XIRP2: variants seen among roughly 807,000 people sequenced by gnomAD.
XIRP2 encodes xin actin binding repeat containing 2, also known as xin actin-binding repeat-containing protein 2.
In XIRP2, 236 loss-of-function variants were observed where a neutral mutation model predicts 277.0. That is an observed-to-expected ratio of 0.85 (90% CI 0.77 to 0.95). The LOEUF (loss-of-function observed/expected upper bound fraction) is 0.95, where lower values mean the gene tolerates loss of function less well. Ranked by LOEUF, XIRP2 falls within the 40% of genes least tolerant of loss-of-function variation. The probability of loss-of-function intolerance (pLI) is 0.00; values close to 1 mark genes in which losing one functional copy is unlikely to be tolerated. For synonymous variants in XIRP2, 1,490 were observed against 1,416.5 expected, an observed-to-expected ratio of 1.05 and a Z score of -1.17; for missense variants, 4,640 against 4,157.5, an observed-to-expected ratio of 1.12 and a Z score of -3.19.
chr2:167,098,675 G>A (rs1209437639), intron 2 of XIRP2, among the ~76,000 whole-genome samples: 2 of 152,160 alleles, frequency 1.3e-5, no homozygotes, highest in Non-Finnish European at 2.9e-5. Flanking sequence ...TCATCTTCAT[G>A]GATTTATGTA....
At chr2:167,213,538 A>T (rs988751108) in intron 4 of XIRP2, among the ~76,000 whole-genome samples, 2 of 152,234 alleles carry the variant, frequency 1.3e-5, no homozygotes, top group Non-Finnish European at 2.9e-5. Flanking sequence ...CACCCATTAG[A>T]TTCCAAACCT....
chr2:167,108,962 T>A (rs1375785108), intron 2 of XIRP2, among the ~76,000 whole-genome samples: 2 of 152,004 alleles, frequency 1.3e-5, no homozygotes, highest in Non-Finnish European at 2.9e-5. Flanking sequence ...GATAACTTTA[T>A]TACATGGGTA....
chr2:167,201,208 AAGAAAGAAAGAAAGAAAG>A lies in XIRP2; in HGVS notation c.563-9525_563-9508del, dbSNP rs1693685179. Among the ~76,000 whole-genome samples, 5 of 78,896 alleles carry A rather than the reference AAGAAAGAAAGAAAGAAAG, an allele frequency of 6.3e-5. No homozygotes were observed. The South Asian group carries it at 2.4e-3, about 39-fold the overall frequency. 51.8% of individuals were successfully genotyped at this position (78,896 alleles called of 152,430 possible). A position where few individuals can be genotyped will look rare whatever the true frequency, so the allele number is the denominator to read the frequency against. ...AGAGAGAGAAAGAAAGAAAGAAAGA[AAGAAAGAAAGAAAGAAAG>A]AAAGAAAGAAAGAAAGAAAGAAAGA... On this transcript the variant is annotated intron_variant, in intron 3 of 10. Coordinates refer to ENST00000409195, the MANE Select transcript of XIRP2 (RefSeq NM_152381.6).
At chr2:166,938,843 G>A (rs1478241734) in intron 2 of XIRP2, among the ~76,000 whole-genome samples, 2 of 152,162 alleles carry the variant, frequency 1.3e-5, no homozygotes, top group Non-Finnish European at 2.9e-5. Flanking sequence ...TTACCATTAT[G>A]TAATGGCCTC....
chr2:167,240,647 A>G lies in XIRP2; in HGVS notation c.970-17A>G. On this transcript the variant is annotated splice_polypyrimidine_tract_variant and intron_variant, in intron 6 of 10. Coordinates refer to ENST00000409195, the MANE Select transcript of XIRP2 (RefSeq NM_152381.6). The stretch of plus-strand genomic sequence containing the variant: ...CTTCTTAAAAACAATTTATTTTCAA[A>G]TTCTCTTTAAATACAGGTCTCTCAT... 1 of 1,609,800 alleles carries G rather than the reference A, an allele frequency of 6.2e-7. No individual in the cohort carries two copies. Among genetic ancestry groups the G allele is most frequent in the Non-Finnish European group, 8.5e-7 (1 of 1,176,460 alleles).
intron 2 of XIRP2, among the ~76,000 whole-genome samples, chr2:166,959,486 T>A (rs1686247719): frequency 6.6e-6 from 1 of 151,754 alleles, no homozygotes; most frequent in Non-Finnish European, 1.5e-5. Context: ...ATGTTAGAAA[T>A]GCAGGGGGAA....
At chr2:166,905,132 T>C (rs1323457686) in intron 2 of XIRP2, among the ~76,000 whole-genome samples, 2 of 152,048 alleles carry the variant, frequency 1.3e-5, no homozygotes, top group Non-Finnish European at 2.9e-5. Context: ...GCAATCATTT[T>C]TGTTTATACT....
In XIRP2 at chr2:166,967,556, G is replaced by T. The variant is rs529193704; in HGVS notation, c.408+63666G>T. On this transcript the variant is annotated intron_variant, in intron 2 of 10. Coordinates refer to ENST00000409195, the MANE Select transcript of XIRP2 (RefSeq NM_152381.6). The stretch of plus-strand genomic sequence containing the variant: ...ATGTTGGGCACTACATGATCAGAAA[G>T]CTGATGTAAAGAAATGTATGGCAAA... Among the ~76,000 whole-genome samples, 3 of 151,968 alleles carry T rather than the reference G, an allele frequency of 2.0e-5. 1 individual carries two copies. The highest frequency in any genetic ancestry group is 7.2e-5 in the African/African-American group (3 of 41,500).
intron 2 of XIRP2, among the ~76,000 whole-genome samples, chr2:167,035,957 G>A (rs771855541): frequency 6.6e-6 from 1 of 152,216 alleles, no homozygotes; most frequent in East Asian, 1.9e-4. Flanking sequence ...TCAGAGGGTG[G>A]AAGCCCCAAG....
intron 2 of XIRP2, among the ~76,000 whole-genome samples, chr2:166,921,073 T>G (rs1685024373): frequency 6.6e-6 from 1 of 152,100 alleles, no homozygotes; most frequent in African/African-American, 2.4e-5. Context: ...TTTCTTTCCT[T>G]TCAAATATCT....
intron 2 of XIRP2, among the ~76,000 whole-genome samples, chr2:167,025,845 T>C (rs1284204357): frequency 2.0e-5 from 3 of 152,086 alleles, no homozygotes; most frequent in Non-Finnish European, 4.4e-5. Context: ...TCTGTTCTTT[T>C]ACATTTGCTG....
intron 3 of XIRP2, among the ~76,000 whole-genome samples, chr2:167,145,850 G>A (rs757802059): frequency 3.9e-5 from 6 of 152,182 alleles, no homozygotes; most frequent in Admixed American, 2.6e-4. Context: ...AATTGCCACT[G>A]TGAAGGACCA....
intron 2 of XIRP2, among the ~76,000 whole-genome samples, chr2:167,012,274 T>C (rs1558947198): frequency 6.6e-6 from 1 of 151,922 alleles, no homozygotes; most frequent in Non-Finnish European, 1.5e-5. Context: ...TTGTTCTCAT[T>C]GGTTTCAAAG....
intron 3 of XIRP2, among the ~76,000 whole-genome samples, chr2:167,193,837 C>T (rs901147493): frequency 6.9e-6 from 1 of 145,056 alleles, no homozygotes. Context: ...AAGATCATGC[C>T]ACTACACTCC....
intron 2 of XIRP2, among the ~76,000 whole-genome samples, chr2:167,091,320 A>G (rs1206574431): frequency 1.3e-5 from 2 of 152,048 alleles, no homozygotes; most frequent in East Asian, 1.9e-4. Context: ...TGAGACTCCA[A>G]TTATAATAGC....
intron 2 of XIRP2, among the ~76,000 whole-genome samples, chr2:167,028,541 C>G (rs188073032): frequency 2.0e-5 from 3 of 152,132 alleles, no homozygotes; most frequent in East Asian, 3.9e-4. Context: ...GTGACCAAAA[C>G]TTAGATCAAA....
At chr2:167,157,689 T>C (rs992966759) in intron 3 of XIRP2, among the ~76,000 whole-genome samples, 1 of 152,142 alleles carries the variant, frequency 6.6e-6, no homozygotes, top group Non-Finnish European at 1.5e-5. Context: ...TCAAAGCAGC[T>C]TGTGGGATGT....
At chr2:167,237,566 C>T (rs1694936954) in intron 5 of XIRP2, among the ~76,000 whole-genome samples, 1 of 152,118 alleles carries the variant, frequency 6.6e-6, no homozygotes, top group African/African-American at 2.4e-5. Flanking sequence ...ACCATGTCTT[C>T]AGAGTTTTTA....
intron 2 of XIRP2, among the ~76,000 whole-genome samples, chr2:167,090,579 A>G (rs1184212913): frequency 1.3e-5 from 2 of 152,130 alleles, no homozygotes; most frequent in Non-Finnish European, 2.9e-5. Flanking sequence ...ACTTGATGCT[A>G]GGTGATTTAT....
Sources: gnomAD v4.1 joint callset for allele counts (sites outside exome capture counted in the v4.1 genomes callset) on GRCh38, gnomAD v4.1.1 for gene constraint, MANE v1.5 for transcripts, NCBI Gene and HGNC (gene_info 2026-07-23, HGNC 2026-07-21) for gene names.